Variants in IQCM observed in about 807,000 individuals in gnomAD.
IQCM encodes the protein IQ domain-containing protein M.
A neutral mutation model predicts 57.6 loss-of-function variants in IQCM; 45 were observed. The observed-to-expected ratio is 0.78, with a 90% CI of 0.62 to 1.00. IQCM has a LOEUF of 1.00. Ranked by LOEUF, IQCM falls within the 50% of genes least tolerant of loss-of-function variation. The probability of loss-of-function intolerance (pLI) is 0.00; values close to 1 mark genes in which losing one functional copy is unlikely to be tolerated. For missense variants in IQCM, 468 were observed against 511.6 expected (o/e 0.91, Z 0.82); for synonymous variants, 148 against 158.9 (o/e 0.93, Z 0.51).
chr4:149,421,539 T>A (rs1188552508), intron 13 of IQCM, among the ~76,000 whole-genome samples: 1 of 152,050 alleles, frequency 6.6e-6, no homozygotes, highest in Non-Finnish European at 1.5e-5. Context: ...TTTAAGTGTT[T>A]TATACACACA....
chr4:149,541,507 G>A (rs1747848132), intron 12 of IQCM, among the ~76,000 whole-genome samples: 1 of 152,038 alleles, frequency 6.6e-6, no homozygotes, highest in Non-Finnish European at 1.5e-5. Flanking sequence ...AGACTAGACA[G>A]AAGTATAAGT....
At chr4:149,685,998 A>G (rs1762519273) in intron 6 of IQCM, among the ~76,000 whole-genome samples, 1 of 151,536 alleles carries the variant, frequency 6.6e-6, no homozygotes, top group Admixed American at 6.6e-5. Flanking sequence ...TAATTATTAG[A>G]TTTAGAAAGG....
At chr4:149,421,781 T>C (rs552148212) in intron 13 of IQCM, among the ~76,000 whole-genome samples, 5 of 152,052 alleles carry the variant, frequency 3.3e-5, no homozygotes, top group Non-Finnish European at 5.9e-5. Flanking sequence ...AAGACAAGTA[T>C]GGTTTTAGTA....
intron 9 of IQCM, among the ~76,000 whole-genome samples, chr4:149,564,783 T>C (rs964651280): frequency 6.0e-5 from 9 of 150,272 alleles, no homozygotes; most frequent in African/African-American, 2.2e-4. Flanking sequence ...GACCTCCTTA[T>C]GGTCATGTGA....
intron 5 of IQCM, among the ~76,000 whole-genome samples, chr4:149,716,140 C>T (rs1029921775): frequency 6.6e-6 from 1 of 152,180 alleles, no homozygotes; most frequent in Non-Finnish European, 1.5e-5. Flanking sequence ...ATCAACCTGC[C>T]ATCTACAGCA....
intron 10 of IQCM, among the ~76,000 whole-genome samples, chr4:149,558,769 G>C (rs146358280): frequency 6.6e-6 from 1 of 152,116 alleles, no homozygotes; most frequent in Admixed American, 6.5e-5. Flanking sequence ...ATAGATGAGA[G>C]GGTTTTACAT....
At chr4:149,683,088 T>A (rs1318608551) in intron 6 of IQCM, among the ~76,000 whole-genome samples, 1 of 151,262 alleles carries the variant, frequency 6.6e-6, no homozygotes, top group Non-Finnish European at 1.5e-5. Context: ...GTGCACATTG[T>A]TATTTTGACC....
chr4:149,593,386 A>G (rs1360502456), intron 8 of IQCM, among the ~76,000 whole-genome samples: 1 of 152,080 alleles, frequency 6.6e-6, no homozygotes, highest in African/African-American at 2.4e-5. Flanking sequence ...TAAATATACA[A>G]TCATATCATC....
intron 2 of IQCM, among the ~76,000 whole-genome samples, chr4:149,782,505 G>A (rs1439595343): frequency 6.6e-6 from 1 of 151,732 alleles, no homozygotes; most frequent in African/African-American, 2.4e-5. Context: ...AGCTATTTGA[G>A]AGGCTGAGGT....
At chr4:149,565,153 G>C (rs569614902) in intron 9 of IQCM, among the ~76,000 whole-genome samples, 5 of 152,056 alleles carry the variant, frequency 3.3e-5, no homozygotes, top group Non-Finnish European at 5.9e-5. Flanking sequence ...CATTCACCAG[G>C]GCTGAGTCTT....
chr4:149,453,743 G>A (rs1432600598), intron 12 of IQCM, among the ~76,000 whole-genome samples: 1 of 151,838 alleles, frequency 6.6e-6, no homozygotes, highest in Non-Finnish European at 1.5e-5. Context: ...TTATCGAGAA[G>A]TTAGAACTCT....
At chr4:149,682,509 G>T (rs906746091) in intron 6 of IQCM, among the ~76,000 whole-genome samples, 1 of 151,102 alleles carries the variant, frequency 6.6e-6, no homozygotes, top group Admixed American at 6.6e-5. Flanking sequence ...TTTCTTCAGT[G>T]TTTTGCAAGA....
At chr4:149,357,572 G>T (rs1342870819) in intron 13 of IQCM, among the ~76,000 whole-genome samples, 2 of 152,174 alleles carry the variant, frequency 1.3e-5, no homozygotes, top group Non-Finnish European at 2.9e-5. Context: ...TGTTGAACCA[G>T]CCTTGCATCT....
intron 2 of IQCM, among the ~76,000 whole-genome samples, chr4:149,753,614 G>A (rs1284597456): frequency 6.6e-6 from 1 of 151,836 alleles, no homozygotes; most frequent in Non-Finnish European, 1.5e-5. Context: ...TTAGCATTAG[G>A]AGATATACCT....
intron 12 of IQCM, among the ~76,000 whole-genome samples, chr4:149,468,864 G>A (rs561907743): frequency 6.6e-6 from 1 of 152,128 alleles, no homozygotes; most frequent in Non-Finnish European, 1.5e-5. Context: ...AGGCAAACAG[G>A]GTCGGAGTTC....
intron 5 of IQCM, among the ~76,000 whole-genome samples, chr4:149,691,249 C>G (rs1033577344): frequency 2.0e-5 from 3 of 152,010 alleles, no homozygotes; most frequent in African/African-American, 4.8e-5. Context: ...TTATTTTCCC[C>G]AAGATTAGAC....
intron 9 of IQCM, among the ~76,000 whole-genome samples, chr4:149,575,738 T>C (rs1751579618): frequency 6.6e-6 from 1 of 151,892 alleles, no homozygotes. Flanking sequence ...AATTTCTGGG[T>C]AGGATACTTT....
At chr4:149,739,792 A>G (rs1767286324) in intron 3 of IQCM, among the ~76,000 whole-genome samples, 1 of 152,172 alleles carries the variant, frequency 6.6e-6, no homozygotes, top group African/African-American at 2.4e-5. Context: ...CTAATCCCAA[A>G]TATTTCACTA....
chr4:149,713,027 T>C (rs1337736380), intron 5 of IQCM, among the ~76,000 whole-genome samples: 2 of 152,130 alleles, frequency 1.3e-5, no homozygotes, highest in Non-Finnish European at 2.9e-5. Context: ...ATAACTAATA[T>C]CAGATGATTA....
Sources: allele counts gnomAD v4.1 joint callset (sites outside exome capture counted in the v4.1 genomes callset), GRCh38; gene constraint gnomAD v4.1.1; transcripts MANE v1.5; gene names NCBI Gene and HGNC (gene_info 2026-07-23, HGNC 2026-07-21).